The following MDGA2 variants were observed in gnomAD, a reference collection of about 807,000 sequenced individuals.
MDGA2 encodes the protein MAM domain containing glycosylphosphatidylinositol anchor 2.
A neutral mutation model predicts 117.8 loss-of-function variants in MDGA2; 40 were observed. The observed-to-expected ratio is 0.34, with a 90% CI of 0.26 to 0.44. The LOEUF (loss-of-function observed/expected upper bound fraction) is 0.44, where lower values mean the gene tolerates loss of function less well. Among genes scored for constraint, MDGA2 ranks in the 20% least tolerant of loss-of-function variants. MDGA2 has a pLI of 1.00. For missense variants in MDGA2, 1,123 were observed against 1,250.6 expected, an observed-to-expected ratio of 0.90 and a Z score of 1.54; for synonymous variants, 452 against 439.0, an observed-to-expected ratio of 1.03 and a Z score of -0.37.
rs75337482 is a variant in MDGA2, at chr14:47,463,308, T to C, written c.281-161758A>G. On this transcript the variant is annotated intron_variant, in intron 1 of 16. Transcript: ENST00000399232. The stretch of plus-strand genomic sequence containing the variant: ...ATATGAATGCTTGCACCCAAACATA[T>C]AGTGCAATGATGGATATTGTGTGGA... Among the ~76,000 whole-genome samples the C allele has an allele frequency of 4.6e-3, 706 of 152,276 alleles. 7 individuals are homozygous for C. Among genetic ancestry groups the C allele is most frequent in the African/African-American group, 0.016 (663 of 41,560 alleles).
chr14:47,263,720 G>A (rs559078775), intron 2 of MDGA2, among the ~76,000 whole-genome samples: 1 of 152,206 alleles, frequency 6.6e-6, no homozygotes, highest in South Asian at 2.1e-4. Context: ...CTTGCATTTG[G>A]CAGAAGATGA....
At chr14:46,962,253 C>CT (rs1427933890) in intron 8 of MDGA2, among the ~76,000 whole-genome samples, 1 of 152,128 alleles carries the variant, frequency 6.6e-6, no homozygotes, top group Non-Finnish European at 1.5e-5. Context: ...CAACTTGTAA[C>CT]TATAATTTCA....
chr14:47,306,763 T>C (rs1889458684), intron 1 of MDGA2, among the ~76,000 whole-genome samples: 1 of 152,122 alleles, frequency 6.6e-6, no homozygotes. Flanking sequence ...CAGCAAACCA[T>C]GCTGTGCCAG....
At chr14:47,293,130 A>G (rs536999274) in intron 2 of MDGA2, among the ~76,000 whole-genome samples, 1 of 152,284 alleles carries the variant, frequency 6.6e-6, no homozygotes, top group East Asian at 1.9e-4. Flanking sequence ...CCATCTGACT[A>G]CTGCATTTCT....
At chr14:46,845,907 C>T in intron 15 of MDGA2, 36 bp from the exon 16 acceptor site, 2 of 1,475,270 alleles carry the variant, frequency 1.4e-6, no homozygotes, top group Non-Finnish European at 1.9e-6. Context: ...AAATGTGGAG[C>T]TTTGATTTGC....
chr14:46,918,939 T>A (rs1010181032), intron 10 of MDGA2, among the ~76,000 whole-genome samples: 2 of 152,048 alleles, frequency 1.3e-5, no homozygotes, highest in South Asian at 4.2e-4. Context: ...TTTTTTTGTA[T>A]TTTTAGTAGA....
Position 47,022,419 on chromosome 14 carries a change from A to G in MDGA2, c.1819+12592T>C, listed in dbSNP as rs557566802. On this transcript the variant is annotated intron_variant, in intron 8 of 16. Coordinates refer to ENST00000399232, the MANE Select transcript of MDGA2 (RefSeq NM_001113498.3). ...TGAAAATGAAATAAATGAAAAACAT[A>G]ACCATATTTCAAATAATTCACCAAT... 3.9e-5 allele frequency among the ~76,000 whole-genome samples: 6 copies of G among 152,334 alleles called. No individual in the cohort carries two copies. In the East Asian group the frequency reaches 1.2e-3, roughly 29 times the overall value.
intron 3 of MDGA2, among the ~76,000 whole-genome samples, chr14:47,189,175 T>C (rs1885019253): frequency 6.6e-6 from 1 of 152,110 alleles, no homozygotes; most frequent in Non-Finnish European, 1.5e-5. Context: ...ATTCTCTCTC[T>C]TCCCCTTACC....
At chr14:47,595,701 C>T (rs116382157) in intron 1 of MDGA2, among the ~76,000 whole-genome samples, 1,864 of 152,136 alleles carry the variant, frequency 0.012, 32 homozygotes, top group African/African-American at 0.042. Context: ...CACCCTCAGC[C>T]ATGAATCTTA....
At chr14:46,904,372 A>C (rs998091277) in intron 10 of MDGA2, among the ~76,000 whole-genome samples, 4 of 151,566 alleles carry the variant, frequency 2.6e-5, no homozygotes, top group African/African-American at 9.8e-5. Context: ...AAAAAAAAAA[A>C]AAGCCAATTT....
At chr14:47,038,301 T>C (rs1888931201) in intron 7 of MDGA2, among the ~76,000 whole-genome samples, 1 of 152,146 alleles carries the variant, frequency 6.6e-6, no homozygotes, top group Admixed American at 6.5e-5. Flanking sequence ...ATTACAAGAA[T>C]GAATAGTAAA....
At chr14:47,540,540 G>GTGTGTGTATATATATATATATATA in intron 1 of MDGA2, among the ~76,000 whole-genome samples, 1 of 79,214 alleles carries the variant, frequency 1.3e-5, no homozygotes, top group African/African-American at 3.9e-5. Context: ...GTGTGTGTGT[G>GTGTGTGTATATATATATATATATA]TATATATATA....
chr14:46,960,132 A>T (rs1223508169), intron 8 of MDGA2, among the ~76,000 whole-genome samples: 1 of 152,026 alleles, frequency 6.6e-6, no homozygotes, highest in African/African-American at 2.4e-5. Flanking sequence ...GAGGCAGGGG[A>T]ATCGCTTGAA....
At position 47,151,162 on chromosome 14, in the gene MDGA2, A is replaced by G. The variant is rs541604395; in HGVS notation, c.596-6888T>C. Among the ~76,000 whole-genome samples, 13 of 152,332 alleles carry G rather than the reference A, an allele frequency of 8.5e-5. No individual in the cohort carries two copies. The South Asian group carries it at 2.3e-3, about 27-fold the overall frequency. Reference sequence around the variant, plus strand: ...CAACTCATGTAGTAGTGTTTTAAAAAAAGAGGGATTAGGCAGTGGAATGAG... The same window carrying G: ...CAACTCATGTAGTAGTGTTTTAAAAGAAGAGGGATTAGGCAGTGGAATGAG... On this transcript the variant is annotated intron_variant, in intron 3 of 16. Transcript: ENST00000399232.
chr14:46,990,504 A>T (rs1057321923), intron 8 of MDGA2, among the ~76,000 whole-genome samples: 2 of 152,088 alleles, frequency 1.3e-5, no homozygotes, highest in Non-Finnish European at 2.9e-5. Flanking sequence ...TTGCAAACAT[A>T]TACAGGAAAC....
chr14:47,416,736 C>T (rs1892483816), intron 1 of MDGA2, among the ~76,000 whole-genome samples: 2 of 152,126 alleles, frequency 1.3e-5, no homozygotes, highest in African/African-American at 4.8e-5. Flanking sequence ...GCAAGGTTCA[C>T]CACCTGTGCC....
chr14:47,227,396 C>T (rs1398579091), intron 2 of MDGA2, among the ~76,000 whole-genome samples: 1 of 152,146 alleles, frequency 6.6e-6, no homozygotes, highest in Non-Finnish European at 1.5e-5. Flanking sequence ...GTCAGGCTGA[C>T]GCTAACCTCG....
intron 6 of MDGA2, among the ~76,000 whole-genome samples, chr14:47,094,051 T>G (rs1415346098): frequency 6.6e-6 from 1 of 152,088 alleles, no homozygotes; most frequent in Non-Finnish European, 1.5e-5. Context: ...ACTGTTTTCC[T>G]TAACTGAATT....
intron 1 of MDGA2, among the ~76,000 whole-genome samples, chr14:47,447,750 C>T (rs1442198022): frequency 6.6e-6 from 1 of 152,142 alleles, no homozygotes; most frequent in Non-Finnish European, 1.5e-5. Flanking sequence ...GAAATGATTT[C>T]ACTCCTAATG....
Sources: gnomAD v4.1 joint callset for allele counts (sites outside exome capture counted in the v4.1 genomes callset) on GRCh38, gnomAD v4.1.1 for gene constraint, MANE v1.5 for transcripts, NCBI Gene and HGNC (gene_info 2026-07-23, HGNC 2026-07-21) for gene names.